RNF212B: variants seen among roughly 807,000 people sequenced by gnomAD.
The protein encoded by RNF212B is ring finger protein 212B.
A neutral mutation model predicts 55.5 loss-of-function variants in RNF212B; 52 were observed. That is an observed-to-expected ratio of 0.94 (90% CI 0.75 to 1.18). The LOEUF is 1.18. Among genes scored for constraint, RNF212B ranks in the 50% most tolerant of loss-of-function variants. RNF212B has a pLI of 0.00. For missense variants in RNF212B, 289 were observed against 350.4 expected, an observed-to-expected ratio of 0.82 and a Z score of 1.40; for synonymous variants, 99 against 121.4, an observed-to-expected ratio of 0.82 and a Z score of 1.21.
chr14:23,239,400 G>A (rs1279633136), intron 1 of RNF212B, among the ~76,000 whole-genome samples: 3 of 152,022 alleles, frequency 2.0e-5, no homozygotes, highest in Non-Finnish European at 4.4e-5. Context: ...ATTTCCTTCT[G>A]TGGAAGGAAA....
At chr14:23,185,860 G>T (rs1877540258) in intron 1 of RNF212B, among the ~76,000 whole-genome samples, 1 of 152,214 alleles carries the variant, frequency 6.6e-6, no homozygotes, top group Non-Finnish European at 1.5e-5. Context: ...AGCACTTTGG[G>T]AGGCCGAAGC....
intron 1 of RNF212B, among the ~76,000 whole-genome samples, chr14:23,238,850 G>A (rs1240264134): frequency 6.6e-6 from 1 of 151,760 alleles, no homozygotes; most frequent in Non-Finnish European, 1.5e-5. Flanking sequence ...ATTGGTATTG[G>A]CAGAAAATAC....
At chr14:23,268,042 A>G (rs767996341) in intron 11 of RNF212B, among the ~76,000 whole-genome samples, 1 of 152,186 alleles carries the variant, frequency 6.6e-6, no homozygotes, top group Non-Finnish European at 1.5e-5. Flanking sequence ...CCCAGCTGAT[A>G]TTTATCTCCT....
chr14:23,236,628 A>G (rs896525502), upstream of RNF212B, among the ~76,000 whole-genome samples: 1 of 152,218 alleles, frequency 6.6e-6, no homozygotes, highest in African/African-American at 2.4e-5. Context: ...AAAATTTCAA[A>G]TAATAAATAT....
Position 23,269,951 on chromosome 14 carries a change from A to C in RNF212B, c.763A>C (p.Asn255His). Residue 255 changes from asparagine (N) to histidine (H), a missense_variant, in exon 13 of 15, where the codon AAC becomes CAC. Physicochemically the swap from Asn to His is moderately conservative, Grantham distance 68. Transcript: ENST00000430154. Reference sequence around the variant, plus strand: ...AGGCCACACAAGAGTCCTCACCCCCAACAATTTTGGTAAGTTAAATAACAT... The same window carrying C: ...AGGCCACACAAGAGTCCTCACCCCCCACAATTTTGGTAAGTTAAATAACAT... ...HSGHTRVLTPNNFAQRESTTT... is the reference protein window; with the variant it reads ...HSGHTRVLTPHNFAQRESTTT... The C allele has an allele frequency of 6.5e-7, 1 of 1,534,940 alleles. No individual in the cohort carries two copies. Among genetic ancestry groups the C allele is most frequent in the Non-Finnish European group, 8.8e-7 (1 of 1,132,774 alleles).
At chr14:23,238,602 G>T (rs1237595803) in intron 1 of RNF212B, among the ~76,000 whole-genome samples, 1 of 151,820 alleles carries the variant, frequency 6.6e-6, no homozygotes, top group Non-Finnish European at 1.5e-5. Flanking sequence ...GCCAGGCGTG[G>T]TGGTGCTCGC....
intron 14 of RNF212B, among the ~76,000 whole-genome samples, chr14:23,272,214 G>A (rs1462438902): frequency 6.6e-6 from 1 of 152,056 alleles, no homozygotes; most frequent in Middle Eastern, 3.2e-3. Flanking sequence ...TCAGGAGATC[G>A]AGACCATCCT....
Position 23,192,449 on chromosome 14 carries a change from C to T in RNF212B, c.-78-876C>T, listed in dbSNP as rs981300152. On this transcript the variant is annotated intron_variant, in intron 1 of 15. Coordinates refer to the RNF212B transcript ENST00000399910. Reference sequence around the variant, plus strand: ...ACTATCACAAGGACAAAAAACCAAACACCGCATGTTCTCACTCATAGGTGG... The same window carrying T: ...ACTATCACAAGGACAAAAAACCAAATACCGCATGTTCTCACTCATAGGTGG... Among the ~76,000 whole-genome samples the T allele has an allele frequency of 3.3e-5, 5 of 150,208 alleles. No homozygotes were observed. The Admixed American group carries it at 3.4e-4, about 10-fold the overall frequency.
chr14:23,187,194 A>G (rs906000933), intron 1 of RNF212B, among the ~76,000 whole-genome samples: 1 of 152,246 alleles, frequency 6.6e-6, no homozygotes, highest in Non-Finnish European at 1.5e-5. Context: ...TTATGGATGA[A>G]AGGCCGTTTT....
chr14:23,245,550 G>A (rs1378143902), intron 4 of RNF212B, among the ~76,000 whole-genome samples: 1 of 152,156 alleles, frequency 6.6e-6, no homozygotes, highest in Non-Finnish European at 1.5e-5. Context: ...AATGGAAAGG[G>A]TCAGTTAATC....
chr14:23,204,720 C>A (rs1037367719), intron 2 of RNF212B, among the ~76,000 whole-genome samples: 1 of 152,006 alleles, frequency 6.6e-6, no homozygotes, highest in Non-Finnish European at 1.5e-5. Flanking sequence ...TTTTTTCATT[C>A]CATATGAAGT....
chr14:23,242,004 C>T lies in RNF212B; in HGVS notation c.101-1252C>T, dbSNP rs1282164554. 2.0e-5 allele frequency among the ~76,000 whole-genome samples: 3 copies of T among 147,496 alleles called. No individual in the cohort carries two copies. The East Asian group carries it at 6.2e-4, about 30-fold the overall frequency. On this transcript the variant is annotated intron_variant, in intron 2 of 14. Coordinates refer to ENST00000430154, the MANE Select transcript of RNF212B (RefSeq NM_001282322.3). ...GGCTGAGGCAGGAGAATGGTGTGAACCCCGGAGGCAGAGCTTGCAGTGAGC... is the reference window on the plus strand; with the variant it reads ...GGCTGAGGCAGGAGAATGGTGTGAATCCCGGAGGCAGAGCTTGCAGTGAGC...
intron 2 of RNF212B, among the ~76,000 whole-genome samples, chr14:23,215,886 T>C (rs964211295): frequency 2.6e-5 from 4 of 152,250 alleles, no homozygotes; most frequent in East Asian, 1.9e-4. Flanking sequence ...ATGTTTCATA[T>C]TGAATTACAT....
chr14:23,232,601 G>A (rs1288482779), intron 2 of RNF212B, among the ~76,000 whole-genome samples: 2 of 151,636 alleles, frequency 1.3e-5, no homozygotes, highest in African/African-American at 4.8e-5. Flanking sequence ...GAGTTGGGGG[G>A]TCAGCCCCCG....
At chr14:23,243,869 G>C (rs78315826) in intron 3 of RNF212B, among the ~76,000 whole-genome samples, 1 of 151,980 alleles carries the variant, frequency 6.6e-6, no homozygotes. Context: ...CTGAGGTCAG[G>C]AGTTCGAGAC....
intron 2 of RNF212B, among the ~76,000 whole-genome samples, chr14:23,230,667 A>C (rs1367605608): frequency 6.6e-6 from 1 of 150,792 alleles, no homozygotes; most frequent in Non-Finnish European, 1.5e-5. Context: ...AAAAAAAAAA[A>C]AAAAAAAAAA....
At chr14:23,194,854 T>C (rs1342040683) in intron 2 of RNF212B, among the ~76,000 whole-genome samples, 1 of 151,992 alleles carries the variant, frequency 6.6e-6, no homozygotes, top group Non-Finnish European at 1.5e-5. Context: ...TAAAGAACTG[T>C]GCATTAAAAA....
chr14:23,193,119 G>A (rs200216174), intron 1 of RNF212B, among the ~76,000 whole-genome samples: 1,436 of 106,106 alleles, frequency 0.014, 19 homozygotes, highest in South Asian at 0.051. Flanking sequence ...AAAAAAAAAA[G>A]AATGTTACCA....
intron 1 of RNF212B, among the ~76,000 whole-genome samples, chr14:23,190,925 TG>T (rs1429144954): frequency 6.6e-6 from 1 of 152,156 alleles, no homozygotes; most frequent in Non-Finnish European, 1.5e-5. Context: ...CCTCAGGGCC[TG>T]GTAGTAGCTG....
Sources: allele counts gnomAD v4.1 joint callset (sites outside exome capture counted in the v4.1 genomes callset), GRCh38; gene constraint gnomAD v4.1.1; transcripts MANE v1.5; gene names NCBI Gene and HGNC (gene_info 2026-07-23, HGNC 2026-07-21).